The following MAPK6 variants were observed in gnomAD, a reference collection of about 807,000 sequenced individuals.
MAPK6 encodes mitogen-activated protein kinase 6.
In MAPK6, 19 loss-of-function variants were observed where a neutral mutation model predicts 59.3. The ratio of observed to expected loss-of-function variants is 0.32; its 90% CI spans 0.22 to 0.47. The LOEUF is 0.47. Ranked by LOEUF, MAPK6 falls within the 20% of genes least tolerant of loss-of-function variation. The pLI is 1.00. For synonymous variants in MAPK6, 316 were observed against 290.3 expected, an observed-to-expected ratio of 1.09 and a Z score of -0.90; for missense variants, 724 against 847.9, an observed-to-expected ratio of 0.85 and a Z score of 1.81.
chr15:52,053,563 CTTT>C (rs1566911606), intron 3 of MAPK6, among the ~76,000 whole-genome samples: 1 of 150,840 alleles, frequency 6.6e-6, no homozygotes, highest in African/African-American at 2.5e-5. Flanking sequence ...TTTTTTTTCC[CTTT>C]CTTTATAGTG....
At chr15:52,021,824 A>G (rs1210487654) in intron 1 of MAPK6, among the ~76,000 whole-genome samples, 1 of 152,182 alleles carries the variant, frequency 6.6e-6, no homozygotes, top group Non-Finnish European at 1.5e-5. Context: ...TTTGTGATTT[A>G]TGTGAATTTT....
At chr15:52,059,855 C>G (rs764826484) in intron 4 of MAPK6, among the ~76,000 whole-genome samples, 3 of 152,194 alleles carry the variant, frequency 2.0e-5, no homozygotes, top group African/African-American at 4.8e-5. Context: ...ATACTACTTT[C>G]TTCTTAACAG....
At chr15:51,985,147 C>T (rs963937232) in intron 2 of MAPK6, among the ~76,000 whole-genome samples, 3 of 151,882 alleles carry the variant, frequency 2.0e-5, no homozygotes, top group Non-Finnish European at 2.9e-5. Context: ...TTGTAGACCA[C>T]GCTGGGGAAC....
At chr15:51,993,060 G>A (rs1173043254) in intron 2 of MAPK6, among the ~76,000 whole-genome samples, 1 of 152,116 alleles carries the variant, frequency 6.6e-6, no homozygotes, top group Non-Finnish European at 1.5e-5. Flanking sequence ...GTTGGTGGGG[G>A]GGTAAAATTT....
chr15:51,978,841 C>T (rs1017261581), intron 1 of MAPK6, among the ~76,000 whole-genome samples: 2 of 151,690 alleles, frequency 1.3e-5, no homozygotes, highest in Admixed American at 1.3e-4. Flanking sequence ...TTTGAAGGGG[C>T]CAAGCATGGT....
intron 1 of MAPK6, among the ~76,000 whole-genome samples, chr15:52,031,300 A>G (rs2031024082): frequency 6.6e-6 from 1 of 152,234 alleles, no homozygotes; most frequent in Non-Finnish European, 1.5e-5. Flanking sequence ...GGAGATATGT[A>G]CTATACTTGT....
Position 52,061,290 on chromosome 15 carries a change from C to A in MAPK6, c.866-9C>A. On this transcript the variant is annotated splice_polypyrimidine_tract_variant and intron_variant, in intron 4 of 5. Transcript: ENST00000261845. ...CTTTTCTGAAAAACTTTTACCTTTT[C>A]CTCTGCAGCACTGGATTTCCTGGAA... is the stretch of plus-strand genomic sequence containing the variant. The A allele has an allele frequency of 1.2e-6, 2 of 1,610,432 alleles. No individual in the cohort carries two copies. Among genetic ancestry groups the A allele is most frequent in the Non-Finnish European group, 1.7e-6 (2 of 1,177,496 alleles).
intron 4 of MAPK6, among the ~76,000 whole-genome samples, chr15:52,060,061 C>T (rs185335900): frequency 1.3e-5 from 2 of 152,284 alleles, no homozygotes; most frequent in Admixed American, 6.5e-5. Flanking sequence ...CTCATCCTTT[C>T]TGTAGTATAC....
At chr15:51,972,359 A>C (rs1424262751) in intron 1 of MAPK6, among the ~76,000 whole-genome samples, 1 of 151,774 alleles carries the variant, frequency 6.6e-6, no homozygotes, top group East Asian at 2.0e-4. Flanking sequence ...GGCTGGTCGC[A>C]AACTCAGGAG....
chr15:52,006,212 G>A (rs536758882), intron 3 of MAPK6, among the ~76,000 whole-genome samples: 19 of 152,220 alleles, frequency 1.2e-4, no homozygotes, highest in Non-Finnish European at 2.2e-4. Flanking sequence ...TGCTAAGAAC[G>A]TGGAAAACAG....
chr15:51,974,379 G>A (rs541716753), intron 1 of MAPK6, among the ~76,000 whole-genome samples: 27 of 151,558 alleles, frequency 1.8e-4, no homozygotes, highest in African/African-American at 5.8e-4. Flanking sequence ...TTGACAGGCC[G>A]GGCACGGTGG....
intron 1 of MAPK6, among the ~76,000 whole-genome samples, chr15:51,980,603 T>C (rs2057170098): frequency 6.7e-6 from 1 of 150,064 alleles, no homozygotes; most frequent in Non-Finnish European, 1.5e-5. Flanking sequence ...CAGAAGCTAT[T>C]TTTTTTAGAC....
At chr15:52,039,708 G>T (rs756626709) in intron 1 of MAPK6, among the ~76,000 whole-genome samples, 1 of 151,444 alleles carries the variant, frequency 6.6e-6, no homozygotes, top group Non-Finnish European at 1.5e-5. Context: ...TAGAGACAGG[G>T]GTTTTACCAT....
chr15:51,992,637 T>C (rs1398521542), intron 2 of MAPK6, among the ~76,000 whole-genome samples: 1 of 152,086 alleles, frequency 6.6e-6, no homozygotes, highest in African/African-American at 2.4e-5. Flanking sequence ...CAATCACAAG[T>C]CCCAGGTTCT....
At chr15:52,039,516 T>A (rs2031349550) in intron 1 of MAPK6, among the ~76,000 whole-genome samples, 2 of 146,182 alleles carry the variant, frequency 1.4e-5, no homozygotes, top group African/African-American at 2.5e-5. Flanking sequence ...TGTCTTTTTT[T>A]TTTTTTTTTT....
At chr15:51,981,743 A>C (rs1265280760) in intron 1 of MAPK6, among the ~76,000 whole-genome samples, 1 of 152,164 alleles carries the variant, frequency 6.6e-6, no homozygotes, top group East Asian at 1.9e-4. Context: ...TCAACACCAG[A>C]GCAGGAACAA....
chr15:52,016,828 C>G (rs1474966250), upstream of MAPK6, among the ~76,000 whole-genome samples: 2 of 152,054 alleles, frequency 1.3e-5, no homozygotes, highest in Non-Finnish European at 1.5e-5. Context: ...GGTGGATCAC[C>G]AGGTCAGGAG....
chr15:52,042,136 A>T (rs545557824), intron 1 of MAPK6, among the ~76,000 whole-genome samples: 1 of 152,324 alleles, frequency 6.6e-6, no homozygotes, highest in African/African-American at 2.4e-5. Flanking sequence ...TCTGCTTTCC[A>T]AGATCCTGGC....
At chr15:51,974,037 A>C (rs2057149738) in intron 1 of MAPK6, among the ~76,000 whole-genome samples, 1 of 152,034 alleles carries the variant, frequency 6.6e-6, no homozygotes, top group Non-Finnish European at 1.5e-5. Flanking sequence ...GATTGGACTT[A>C]AGGTAAATCA....
Sources: allele counts gnomAD v4.1 joint callset (sites outside exome capture counted in the v4.1 genomes callset), GRCh38; gene constraint gnomAD v4.1.1; transcripts MANE v1.5; gene names NCBI Gene and HGNC (gene_info 2026-07-23, HGNC 2026-07-21).